Variants in ARID5B observed in about 807,000 individuals in gnomAD.
The protein encoded by ARID5B is AT-rich interaction domain 5B, also known as AT-rich interactive domain-containing protein 5B.
In ARID5B, 13 loss-of-function variants were observed where a neutral mutation model predicts 97.2. That is an observed-to-expected ratio of 0.13 (90% CI 0.09 to 0.21). The LOEUF is 0.21. ARID5B is among the 10% of genes least tolerant of loss of function. The pLI is 1.00. For missense variants in ARID5B, 1,210 were observed against 1,465.3 expected (o/e 0.83, Z 2.84); for synonymous variants, 556 against 570.3 (o/e 0.97, Z 0.36).
chr10:61,946,570 T>C (rs1237306043), intron 3 of ARID5B, among the ~76,000 whole-genome samples: 5 of 152,216 alleles, frequency 3.3e-5, no homozygotes, highest in Admixed American at 3.3e-4. Flanking sequence ...AATAATATAT[T>C]GTTGCACTAT....
At chr10:62,063,430 T>G (rs941299565) in intron 7 of ARID5B, among the ~76,000 whole-genome samples, 16 of 152,110 alleles carry the variant, frequency 1.1e-4, no homozygotes, top group African/African-American at 3.9e-4. Flanking sequence ...TTTGTGGTTA[T>G]AAACTATTCC....
intron 7 of ARID5B, 90 bp from the exon 8 acceptor site, chr10:62,069,610 G>T (rs1840035970): frequency 8.6e-7 from 1 of 1,161,600 alleles, no homozygotes; most frequent in South Asian, 1.3e-5. Flanking sequence ...AGAACAGACT[G>T]TTCTCTTCTG....
chr10:62,055,516 G>T (rs1490526709), intron 5 of ARID5B, among the ~76,000 whole-genome samples: 1 of 152,176 alleles, frequency 6.6e-6, no homozygotes, highest in African/African-American at 2.4e-5. Context: ...ATTTCAAGAA[G>T]CCATTAAATT....
intron 3 of ARID5B, among the ~76,000 whole-genome samples, chr10:61,958,962 T>G (rs897094735): frequency 3.3e-5 from 5 of 152,234 alleles, no homozygotes; most frequent in Non-Finnish European, 5.9e-5. Flanking sequence ...GCTTCATAAT[T>G]ATGAAGACTG....
intron 2 of ARID5B, among the ~76,000 whole-genome samples, chr10:61,924,927 G>A (rs1255550560): frequency 6.6e-6 from 1 of 152,028 alleles, no homozygotes; most frequent in African/African-American, 2.4e-5. Context: ...GAAAAAGGCT[G>A]GGCATAGTGG....
intron 4 of ARID5B, among the ~76,000 whole-genome samples, chr10:62,032,714 C>T (rs558919549): frequency 2.0e-5 from 3 of 152,126 alleles, no homozygotes; most frequent in East Asian, 1.9e-4. Context: ...GACTCCATCT[C>T]GGAAAATAAA....
intron 2 of ARID5B, among the ~76,000 whole-genome samples, chr10:61,934,128 A>C (rs2132787612): frequency 6.6e-6 from 1 of 152,318 alleles, no homozygotes; most frequent in East Asian, 1.9e-4. Context: ...AAACCTCATG[A>C]ATCAACCTCT....
chr10:61,919,043 C>A (rs1305596422), intron 2 of ARID5B, among the ~76,000 whole-genome samples: 28 of 119,026 alleles, frequency 2.4e-4, no homozygotes, highest in Admixed American at 1.8e-3. Flanking sequence ...CCGTCCCCCC[C>A]CCCCCCCCCA....
At chr10:62,005,867 C>T (rs1839139047) in intron 4 of ARID5B, among the ~76,000 whole-genome samples, 1 of 151,898 alleles carries the variant, frequency 6.6e-6, no homozygotes, top group Non-Finnish European at 1.5e-5. Flanking sequence ...ACATTTTTTT[C>T]CTTGCCGAAG....
At chr10:62,040,251 T>TA (rs1839618231) in intron 4 of ARID5B, among the ~76,000 whole-genome samples, 1 of 152,208 alleles carries the variant, frequency 6.6e-6, no homozygotes, top group Non-Finnish European at 1.5e-5. Context: ...CAGGGCCATT[T>TA]AGTAGCCTTG....
At position 62,000,358 on chromosome 10, in the gene ARID5B, G is replaced by A. The variant is rs1368463609; in HGVS notation, c.733+37G>A. The A allele has an allele frequency of 2.6e-6, 4 of 1,523,390 alleles. No individual in the cohort carries two copies. The Admixed American group carries it at 5.9e-5, about 23-fold the overall frequency. The allele number at this position is 1,523,390 out of a possible 1,614,324, so 94.4% of individuals were successfully genotyped here. A position where few individuals can be genotyped will look rare whatever the true frequency, so the allele number is the denominator to read the frequency against. ...TTTTTTTTTCCTACCTGATTCTTGT[G>A]CGTGTGTGCCTAGTTGTTTTCAGTT... On this transcript the variant is annotated intron_variant, in intron 4 of 9. Coordinates refer to ENST00000279873, the MANE Select transcript of ARID5B (RefSeq NM_032199.3). The surrounding 1 kb of genome is among the most constrained non-coding windows in gnomAD (Gnocchi z 4.4).
intron 7 of ARID5B, among the ~76,000 whole-genome samples, chr10:62,065,414 C>T (rs903104994): frequency 6.6e-6 from 1 of 152,190 alleles, no homozygotes; most frequent in Non-Finnish European, 1.5e-5. Context: ...TTCCATATCT[C>T]TGCACAGGCA....
intron 4 of ARID5B, among the ~76,000 whole-genome samples, chr10:62,004,358 C>T (rs1839119976): frequency 6.6e-6 from 1 of 152,178 alleles, no homozygotes; most frequent in Non-Finnish European, 1.5e-5. Flanking sequence ...AGGCAATATG[C>T]TCTTTTCTTA....
chr10:61,901,954 T>G (rs1843622479), intron 1 of ARID5B, among the ~76,000 whole-genome samples: 3 of 148,296 alleles, frequency 2.0e-5, no homozygotes, highest in African/African-American at 5.0e-5. Flanking sequence ...TGGGTAGAAG[T>G]GGCGGTGGGG....
chr10:61,992,314 G>T (rs917365954), intron 3 of ARID5B, among the ~76,000 whole-genome samples: 1 of 152,166 alleles, frequency 6.6e-6, no homozygotes, highest in African/African-American at 2.4e-5. Flanking sequence ...GACCCTTTGG[G>T]ACAACCTTGG....
At chr10:61,984,913 C>A (rs1019764587) in intron 3 of ARID5B, among the ~76,000 whole-genome samples, 2 of 152,134 alleles carry the variant, frequency 1.3e-5, no homozygotes, top group African/African-American at 4.8e-5. Flanking sequence ...ATTCTCCAGG[C>A]CTCCTTAGCT....
intron 4 of ARID5B, among the ~76,000 whole-genome samples, chr10:62,040,285 T>TA (rs1169101551): frequency 5.3e-5 from 8 of 152,302 alleles, no homozygotes; most frequent in South Asian, 4.1e-4. Flanking sequence ...CAGATTTGAA[T>TA]TTTACAGAAG....
intron 2 of ARID5B, among the ~76,000 whole-genome samples, chr10:61,936,010 T>C (rs1844293546): frequency 6.6e-6 from 1 of 152,220 alleles, no homozygotes; most frequent in South Asian, 2.1e-4. Context: ...GCCAGTAATG[T>C]CTTAGTAGTT....
intron 3 of ARID5B, among the ~76,000 whole-genome samples, chr10:61,994,593 T>C (rs978474268): frequency 6.6e-6 from 1 of 152,156 alleles, no homozygotes; most frequent in Non-Finnish European, 1.5e-5. Flanking sequence ...GAAGGCCTGC[T>C]CTTACCCTTT....
Sources: gnomAD v4.1 joint callset for allele counts (sites outside exome capture counted in the v4.1 genomes callset) on GRCh38, gnomAD v4.1.1 for gene constraint, Gnocchi (gnomAD v3.1) non-coding constraint, MANE v1.5 for transcripts, NCBI Gene and HGNC (gene_info 2026-07-23, HGNC 2026-07-21) for gene names.